The following EBF2 variants were observed in gnomAD, a reference collection of about 807,000 sequenced individuals.
EBF2 encodes the protein transcription factor COE2.
EBF2 carries 21 observed loss-of-function variants against 72.8 expected under a neutral mutation model. The ratio of observed to expected loss-of-function variants is 0.29; its 90% CI spans 0.20 to 0.42. The LOEUF is 0.42. Ranked by LOEUF, EBF2 falls within the 10% of genes least tolerant of loss-of-function variation. The pLI is 1.00. For synonymous variants in EBF2, 299 were observed against 274.2 expected, an observed-to-expected ratio of 1.09 and a Z score of -0.89; for missense variants, 637 against 731.2, an observed-to-expected ratio of 0.87 and a Z score of 1.49.
intron 10 of EBF2, among the ~76,000 whole-genome samples, chr8:25,879,564 G>A (rs994170682): frequency 6.6e-6 from 1 of 152,090 alleles, no homozygotes; most frequent in Non-Finnish European, 1.5e-5. Context: ...AAACACTAGA[G>A]ATACCAGAAG....
In EBF2 at chr8:25,843,248, C is replaced by G. The variant is rs1374226681; in HGVS notation, c.*1361G>C. On this transcript the variant is annotated 3_prime_UTR_variant, in exon 16 of 16. Transcript: ENST00000520164. ...GAGGGGATTAGGGCTTTTAATATCC[C>G]TCTCCCACATTCCGTCTCATTCTTG... 1 of 152,174 alleles carries G rather than the reference C, an allele frequency of 6.6e-6. No homozygotes were observed. Among genetic ancestry groups the G allele is most frequent in the Non-Finnish European group, 1.5e-5 (1 of 68,030 alleles). 9.4% of individuals were successfully genotyped at this position (152,174 alleles called of 1,614,324 possible).
chr8:25,959,923 G>A (rs1029135407), intron 6 of EBF2, among the ~76,000 whole-genome samples: 1 of 152,174 alleles, frequency 6.6e-6, no homozygotes. Context: ...CTATGGATGA[G>A]ACACCAACAG....
Position 26,044,618 on chromosome 8 carries a change from G to A in EBF2, c.131+111C>T. 6.8e-7 allele frequency: 1 copy of A among 1,477,114 alleles called. No individual in the cohort carries two copies. 91.5% of individuals were successfully genotyped at this position (1,477,114 alleles called of 1,614,324 possible). A position where few individuals can be genotyped will look rare whatever the true frequency, so the allele number is the denominator to read the frequency against. Reference sequence around the variant, plus strand: ...CCCAGCGCGCAGGGCCTGGGCGACAGATGGGGGGACAGGGAGAGAGAAAGG... The same window carrying A: ...CCCAGCGCGCAGGGCCTGGGCGACAAATGGGGGGACAGGGAGAGAGAAAGG... On this transcript the variant is annotated intron_variant, in intron 1 of 15. Coordinates refer to ENST00000520164, the MANE Select transcript of EBF2 (RefSeq NM_022659.4). This position sits in a 1 kb window ranked among gnomAD's most constrained non-coding sequence, Gnocchi z 4.1.
chr8:25,939,939 G>T (rs973224497), intron 6 of EBF2, among the ~76,000 whole-genome samples: 2 of 152,132 alleles, frequency 1.3e-5, no homozygotes, highest in Admixed American at 6.5e-5. Flanking sequence ...GCCTTGTTAG[G>T]CATGATTTCC....
At chr8:25,960,608 G>T (rs1003102770) in intron 6 of EBF2, among the ~76,000 whole-genome samples, 42 of 152,036 alleles carry the variant, frequency 2.8e-4, no homozygotes, top group Admixed American at 7.9e-4. Flanking sequence ...TTTGCTGGGG[G>T]CACATGTAGA....
intron 10 of EBF2, among the ~76,000 whole-genome samples, chr8:25,880,528 A>G (rs1802589598): frequency 1.3e-5 from 2 of 152,100 alleles, no homozygotes; most frequent in Non-Finnish European, 2.9e-5. Flanking sequence ...CTCACCTACT[A>G]ATACCTAAGT....
chr8:25,992,333 CAA>C (rs36020598), intron 6 of EBF2, among the ~76,000 whole-genome samples: 1 of 52,552 alleles, frequency 1.9e-5, no homozygotes, highest in African/African-American at 9.2e-5. Context: ...GACTCTGTCT[CAA>C]AAAAAAAAAA....
intron 6 of EBF2, among the ~76,000 whole-genome samples, chr8:25,980,340 G>A (rs1804339123): frequency 1.3e-5 from 2 of 152,128 alleles, no homozygotes; most frequent in Admixed American, 1.3e-4. Flanking sequence ...CTGCTTTAAA[G>A]AACTATGATT....
chr8:26,004,857 T>C (rs183530748), intron 6 of EBF2, among the ~76,000 whole-genome samples: 1 of 152,022 alleles, frequency 6.6e-6, no homozygotes, highest in African/African-American at 2.4e-5. Context: ...GGCTGAGAGA[T>C]GGGTGCCATA....
chr8:25,899,255 T>C (rs1360224204), intron 7 of EBF2, among the ~76,000 whole-genome samples: 5 of 151,478 alleles, frequency 3.3e-5, no homozygotes, highest in Non-Finnish European at 2.9e-5. Context: ...TTTTTTTTTC[T>C]GACTCCAAAT....
chr8:25,973,573 A>G (rs766475155), intron 6 of EBF2, among the ~76,000 whole-genome samples: 1 of 152,236 alleles, frequency 6.6e-6, no homozygotes, highest in Non-Finnish European at 1.5e-5. Flanking sequence ...ATAAAAGTTA[A>G]CTTAAAAGAA....
At chr8:25,990,175 G>A (rs992238993) in intron 6 of EBF2, among the ~76,000 whole-genome samples, 2 of 149,306 alleles carry the variant, frequency 1.3e-5, no homozygotes, top group African/African-American at 5.0e-5. Context: ...ATATAATACA[G>A]AGCTATGGGT....
intron 6 of EBF2, among the ~76,000 whole-genome samples, chr8:25,952,835 TAG>T (rs1252959847): frequency 3.3e-5 from 5 of 152,250 alleles, no homozygotes; most frequent in Non-Finnish European, 7.3e-5. Context: ...CTTTGAACTA[TAG>T]AATGAGGCTT....
At chr8:25,891,692 C>T (rs1314219120) in intron 7 of EBF2, among the ~76,000 whole-genome samples, 3 of 151,938 alleles carry the variant, frequency 2.0e-5, no homozygotes, top group Non-Finnish European at 4.4e-5. Flanking sequence ...ATTCTCCTGC[C>T]TCAGCTTCCC....
intron 5 of EBF2, among the ~76,000 whole-genome samples, chr8:26,037,453 T>C (rs1004683793): frequency 1.3e-5 from 2 of 152,196 alleles, no homozygotes; most frequent in Non-Finnish European, 2.9e-5. Flanking sequence ...TTTTGTTTTG[T>C]TTTCTTCTCC....
chr8:25,877,769 A>G (rs1312515993), intron 10 of EBF2, among the ~76,000 whole-genome samples: 2 of 152,126 alleles, frequency 1.3e-5, no homozygotes, highest in Admixed American at 6.5e-5. Flanking sequence ...AAACACTACT[A>G]TTGTGTTCCT....
chr8:26,043,355 C>G (rs376809710), intron 1 of EBF2, among the ~76,000 whole-genome samples: 1 of 152,252 alleles, frequency 6.6e-6, no homozygotes, highest in African/African-American at 2.4e-5. Context: ...AGCTCTCCCC[C>G]ACTAAGTCTG....
chr8:25,901,727 T>C (rs568493582), intron 7 of EBF2, among the ~76,000 whole-genome samples: 2 of 152,214 alleles, frequency 1.3e-5, no homozygotes, highest in East Asian at 1.9e-4. Context: ...TTACTGTTAC[T>C]ATAATGGTGA....
intron 6 of EBF2, among the ~76,000 whole-genome samples, chr8:25,914,791 C>T (rs80067348): frequency 6.6e-6 from 1 of 152,062 alleles, no homozygotes; most frequent in Non-Finnish European, 1.5e-5. Context: ...TTAAACAATC[C>T]CTCAAACTGT....
Sources: allele counts gnomAD v4.1 joint callset (sites outside exome capture counted in the v4.1 genomes callset), GRCh38; gene constraint gnomAD v4.1.1; non-coding constraint Gnocchi (gnomAD v3.1); transcripts MANE v1.5; gene names NCBI Gene and HGNC (gene_info 2026-07-23, HGNC 2026-07-21).